FARP2: variants seen among roughly 807,000 people sequenced by gnomAD.
FARP2 encodes FERM, ARH/RhoGEF and pleckstrin domain protein 2.
In FARP2, 111 loss-of-function variants were observed where a neutral mutation model predicts 130.5. The ratio of observed to expected loss-of-function variants is 0.85; its 90% CI spans 0.73 to 1.00. The LOEUF (loss-of-function observed/expected upper bound fraction) is 1.00, where lower values mean the gene tolerates loss of function less well. Among genes scored for constraint, FARP2 ranks in the 50% least tolerant of loss-of-function variants. FARP2 has a pLI of 0.00. For missense variants in FARP2, 1,385 were observed against 1,346.3 expected, an observed-to-expected ratio of 1.03 and a Z score of -0.45; for synonymous variants, 504 against 516.9, an observed-to-expected ratio of 0.98 and a Z score of 0.34.
intron 10 of FARP2, 24 bp downstream of exon 10, chr2:241,434,345 A>T: frequency 1.3e-6 from 2 of 1,556,238 alleles, no homozygotes; most frequent in Non-Finnish European, 1.7e-6. Flanking sequence ...CGTGGCTTGC[A>T]TGGGCCCCTC....
chr2:241,441,690 G>A, intron 13 of FARP2, 134 bp downstream of exon 13: 1 of 1,306,104 alleles, frequency 7.7e-7, no homozygotes, highest in Non-Finnish European at 1.1e-6. Context: ...ACAATGGTGG[G>A]GATGACTTTA....
At chr2:241,492,686 G>A (rs780143830) in intron 24 of FARP2, 3 of 464,374 alleles carry the variant, frequency 6.5e-6, no homozygotes, top group Non-Finnish European at 1.2e-5. Flanking sequence ...ACTGAACACT[G>A]ACTTTATTGT....
chr2:241,488,293 GT>G (rs1224414821), intron 21 of FARP2: 1 of 151,876 alleles, frequency 6.6e-6, no homozygotes, highest in Non-Finnish European at 1.5e-5. Flanking sequence ...TTCCTTGAGG[GT>G]TTCTATCCTT....
At chr2:241,380,639 T>A (rs1284630429) in intron 2 of FARP2, among the ~76,000 whole-genome samples, 2 of 151,564 alleles carry the variant, frequency 1.3e-5, no homozygotes, top group African/African-American at 4.8e-5. Context: ...GCACTAAAAT[T>A]TTTTGAATTT....
chr2:241,471,221 A>T, intron 18 of FARP2: 1 of 143,208 alleles, frequency 7.0e-6, no homozygotes, highest in Non-Finnish European at 1.5e-5. Flanking sequence ...TACTGTTCTG[A>T]GGGGACCCTG....
At position 241,434,303 on chromosome 2, in the gene FARP2, G is replaced by T. The variant is rs749572946; in HGVS notation, c.1013G>T (p.Gly338Val). The change falls in exon 10 of 27, where the codon GGC (glycine) becomes GTC (valine). Residue 338 changes from glycine to valine, a missense_variant. Coordinates refer to ENST00000264042, the MANE Select transcript of FARP2 (RefSeq NM_014808.4). The part of the protein sequence containing the change: ...PKAKAVFFSR[G>V]SSFRYSGRTQ... ...GCAAAAGCCGTCTTCTTCAGCCGGG[G>T]CTCCTCCTTCAGATACAGGTAGGGG... 2 of 1,612,260 alleles carry T rather than the reference G, an allele frequency of 1.2e-6. No individual in the cohort carries two copies. Among genetic ancestry groups the T allele is most frequent in the Admixed American group, 3.4e-5 (2 of 59,570 alleles).
At chr2:241,384,317 C>T (rs1380802723) in intron 2 of FARP2, among the ~76,000 whole-genome samples, 2 of 152,132 alleles carry the variant, frequency 1.3e-5, no homozygotes, top group Non-Finnish European at 2.9e-5. Context: ...CAGTTTTGCA[C>T]TTTATATAGC....
chr2:241,381,363 G>C (rs142143515), intron 2 of FARP2, among the ~76,000 whole-genome samples: 41 of 152,266 alleles, frequency 2.7e-4, no homozygotes, highest in Admixed American at 3.9e-4. Flanking sequence ...AGGCAGGATT[G>C]AGGACCGCTG....
chr2:241,473,998 A>AGGGG (rs1172977025), intron 18 of FARP2, among the ~76,000 whole-genome samples: 1 of 151,676 alleles, frequency 6.6e-6, no homozygotes, highest in Non-Finnish European at 1.5e-5. Context: ...GGCTGTTGTC[A>AGGGG]CCCCCACTGG....
At chr2:241,493,887 G>A (rs781527968) in intron 26 of FARP2, 121 bp from the exon 27 acceptor site, 9 of 603,826 alleles carry the variant, frequency 1.5e-5, no homozygotes, top group Non-Finnish European at 1.9e-5. Flanking sequence ...ATGAGCCACC[G>A]CACCCGGCCC....
intron 2 of FARP2, chr2:241,387,005 T>A (rs2061799663): frequency 6.6e-6 from 1 of 152,260 alleles, no homozygotes; most frequent in Non-Finnish European, 1.5e-5. Context: ...CCCATGTCCT[T>A]CTTTTATTTT....
At chr2:241,398,572 C>G (rs1268809083) in intron 2 of FARP2, among the ~76,000 whole-genome samples, 3 of 139,338 alleles carry the variant, frequency 2.2e-5, no homozygotes, top group Non-Finnish European at 4.7e-5. Flanking sequence ...TGTGAACATT[C>G]TTTTTTTTTT....
At chr2:241,384,359 C>A (rs747474686) in intron 2 of FARP2, among the ~76,000 whole-genome samples, 1 of 152,106 alleles carries the variant, frequency 6.6e-6, no homozygotes, top group Non-Finnish European at 1.5e-5. Context: ...TAGAGGGGAT[C>A]CCAGTCCTAC....
intron 1 of FARP2, among the ~76,000 whole-genome samples, chr2:241,368,489 G>A (rs181883346): frequency 3.9e-5 from 6 of 152,178 alleles, no homozygotes; most frequent in East Asian, 1.9e-4. Context: ...GTTTATAAGC[G>A]CACAAAGCAA....
intron 8 of FARP2, among the ~76,000 whole-genome samples, chr2:241,426,177 C>T (rs896959553): frequency 6.6e-6 from 1 of 152,042 alleles, no homozygotes; most frequent in Non-Finnish European, 1.5e-5. Flanking sequence ...GAGCATCCAC[C>T]AATACCAGAG....
chr2:241,412,090 G>A (rs921260248), intron 6 of FARP2, among the ~76,000 whole-genome samples: 19 of 152,172 alleles, frequency 1.2e-4, no homozygotes, highest in African/African-American at 4.1e-4. Context: ...GCCTCAGATC[G>A]TGGCCCTGTT....
intron 2 of FARP2, among the ~76,000 whole-genome samples, chr2:241,374,745 G>A (rs542583546): frequency 2.3e-3 from 347 of 152,308 alleles, no homozygotes; most frequent in Non-Finnish European, 4.4e-3. Flanking sequence ...GGAAGTGAAA[G>A]ATAATTTCAT....
Position 241,459,815 on chromosome 2 carries a change from TGGGCG to T in FARP2, c.1588-2694_1588-2690del, listed in dbSNP as rs1044112918. ...TTCTCACGGTATTCCTTGGGCTGAT[TGGGCG>T]GGGCGGGGCGGGGGCAGGGGCGGGA... is the stretch of plus-strand genomic sequence containing the variant. On this transcript the variant is annotated intron_variant, in intron 14 of 26. Coordinates refer to ENST00000264042, the MANE Select transcript of FARP2 (RefSeq NM_014808.4). This position sits in a 1 kb window ranked among gnomAD's most constrained non-coding sequence, Gnocchi z 5.3. Among the ~76,000 whole-genome samples the T allele has an allele frequency of 4.3e-4, 12 of 28,192 alleles. No individual in the cohort carries two copies. Among genetic ancestry groups the T allele is most frequent in the African/African-American group, 8.8e-4 (6 of 6,780 alleles). The allele number at this position is 28,192 out of a possible 152,430, so 18.5% of individuals were successfully genotyped here.
At chr2:241,483,781 C>T (rs980158279) in intron 20 of FARP2, 2 of 985,320 alleles carry the variant, frequency 2.0e-6, no homozygotes, top group African/African-American at 1.7e-5. Context: ...TTCTGAGCAC[C>T]TGACTATGGG....
Sources: allele counts gnomAD v4.1 joint callset (sites outside exome capture counted in the v4.1 genomes callset), GRCh38; gene constraint gnomAD v4.1.1; non-coding constraint Gnocchi (gnomAD v3.1); transcripts MANE v1.5; gene names NCBI Gene and HGNC (gene_info 2026-07-23, HGNC 2026-07-21).